The following GABRG3 variants were observed in gnomAD, a reference collection of about 807,000 sequenced individuals.
GABRG3 encodes gamma-aminobutyric acid receptor subunit gamma-3.
In GABRG3, 25 loss-of-function variants were observed where a neutral mutation model predicts 48.8. The observed-to-expected ratio is 0.51, with a 90% CI of 0.37 to 0.72. The LOEUF (loss-of-function observed/expected upper bound fraction) is 0.72, where lower values mean the gene tolerates loss of function less well. GABRG3 is among the 30% of genes least tolerant of loss of function. The pLI is 0.00. For missense variants in GABRG3, 394 were observed against 577.9 expected (o/e 0.68, Z 3.26); for synonymous variants, 227 against 217.6 (o/e 1.04, Z -0.38).
chr15:27,091,634 C>T (rs1018375138), intron 3 of GABRG3, among the ~76,000 whole-genome samples: 3 of 152,174 alleles, frequency 2.0e-5, no homozygotes, highest in African/African-American at 7.2e-5. Context: ...GATTCAACCT[C>T]GCTGTTTGCT....
chr15:27,136,980 A>G (rs757103608), intron 3 of GABRG3, among the ~76,000 whole-genome samples: 6 of 152,130 alleles, frequency 3.9e-5, no homozygotes, highest in African/African-American at 1.2e-4. Flanking sequence ...GACGCCCACC[A>G]GGATGGATGA....
chr15:27,405,930 A>G (rs1342757126), intron 5 of GABRG3, among the ~76,000 whole-genome samples: 1 of 152,168 alleles, frequency 6.6e-6, no homozygotes, highest in Admixed American at 6.5e-5. Flanking sequence ...AGAAAATGTT[A>G]AAAGACACAA....
intron 6 of GABRG3, among the ~76,000 whole-genome samples, chr15:27,494,499 A>G (rs777534300): frequency 6.6e-6 from 1 of 152,264 alleles, no homozygotes; most frequent in African/African-American, 2.4e-5. Context: ...GAATTCTAAA[A>G]TTATGAATTC....
At chr15:27,238,625 G>A (rs1890046302) in intron 3 of GABRG3, among the ~76,000 whole-genome samples, 1 of 152,226 alleles carries the variant, frequency 6.6e-6, no homozygotes, top group African/African-American at 2.4e-5. Flanking sequence ...GTATAGACAT[G>A]TCTTAGGTCT....
At chr15:27,500,661 T>C (rs1054686529) in intron 6 of GABRG3, among the ~76,000 whole-genome samples, 4 of 152,184 alleles carry the variant, frequency 2.6e-5, no homozygotes, top group African/African-American at 7.2e-5. Context: ...GTCCTAAAAA[T>C]GTATCCAGCC....
intron 3 of GABRG3, among the ~76,000 whole-genome samples, chr15:27,320,585 G>T (rs1893388593): frequency 6.6e-6 from 1 of 152,114 alleles, no homozygotes; most frequent in African/African-American, 2.4e-5. Flanking sequence ...ATGTAATTCT[G>T]CTTCCCCGTG....
intron 3 of GABRG3, among the ~76,000 whole-genome samples, chr15:27,146,760 AG>A (rs1277487913): frequency 2.0e-5 from 3 of 152,118 alleles, no homozygotes; most frequent in African/African-American, 7.2e-5. Context: ...TGTAATTCCT[AG>A]GGTAGCAACT....
chr15:27,166,536 C>A lies in GABRG3; in HGVS notation c.270+139715C>A, dbSNP rs371908629. ...TCTTGCAGGGAGGCCACTGCCTGCG[C>A]CCCTGGCTTGGCCCATGCATGAAGG... On this transcript the variant is annotated intron_variant, in intron 3 of 9. Transcript: ENST00000615808. Among the ~76,000 whole-genome samples, 14 of 152,166 alleles carry A rather than the reference C, an allele frequency of 9.2e-5. No individual in the cohort carries two copies. The East Asian group carries it at 1.4e-3, about 15-fold the overall frequency.
chr15:27,423,664 G>T (rs1287885519), intron 5 of GABRG3, among the ~76,000 whole-genome samples: 1 of 145,914 alleles, frequency 6.9e-6, no homozygotes, highest in African/African-American at 2.5e-5. Context: ...TCCCACTTCA[G>T]CCTCCTGAGT....
intron 3 of GABRG3, among the ~76,000 whole-genome samples, chr15:27,306,979 A>ATAAACATGTTTATATATAAAC (rs777908834): frequency 7.3e-5 from 5 of 68,646 alleles, no homozygotes; most frequent in Non-Finnish European, 1.5e-4. Context: ...AAACATATAT[A>ATAAACATGTTTATATATAAAC]ATATAAACAT....
chr15:27,191,926 G>A (rs1395980947), intron 3 of GABRG3, among the ~76,000 whole-genome samples: 1 of 151,764 alleles, frequency 6.6e-6, no homozygotes, highest in East Asian at 1.9e-4. Flanking sequence ...GCCTGGTGGT[G>A]ACAAAATCTC....
At chr15:27,081,250 C>A (rs943045020) in intron 3 of GABRG3, among the ~76,000 whole-genome samples, 1 of 152,148 alleles carries the variant, frequency 6.6e-6, no homozygotes, top group African/African-American at 2.4e-5. Flanking sequence ...CCAGAGGCTA[C>A]AAGGATGCTA....
chr15:27,424,166 C>G lies in GABRG3; in HGVS notation c.575-56484C>G, dbSNP rs116659341. ...ACCTGGGGTCCCTGGGCCACTTCAG[C>G]TAGTTTATGCTAACAGTGTGATCTA... is the stretch of plus-strand genomic sequence containing the variant. On this transcript the variant is annotated intron_variant, in intron 5 of 9. Transcript: ENST00000615808. 9.7e-3 allele frequency among the ~76,000 whole-genome samples: 1,473 copies of G among 152,142 alleles called. 21 individuals carry two copies. Among genetic ancestry groups the G allele is most frequent in the African/African-American group, 0.034 (1,393 of 41,456 alleles).
intron 5 of GABRG3, among the ~76,000 whole-genome samples, chr15:27,472,116 G>A (rs995552250): frequency 5.9e-5 from 9 of 151,894 alleles, no homozygotes; most frequent in Admixed American, 3.3e-4. Context: ...TTTAATCTAT[G>A]TTTGGCTCAG....
chr15:27,301,957 A>G (rs955973892), intron 3 of GABRG3, among the ~76,000 whole-genome samples: 5 of 152,096 alleles, frequency 3.3e-5, no homozygotes, highest in Admixed American at 6.6e-5. Flanking sequence ...CTAGACTTCT[A>G]CATTCAGTAA....
At chr15:27,218,399 G>C (rs1443102389) in intron 3 of GABRG3, among the ~76,000 whole-genome samples, 1 of 152,162 alleles carries the variant, frequency 6.6e-6, no homozygotes, top group Non-Finnish European at 1.5e-5. Flanking sequence ...CAGAAAAGGG[G>C]AATTCTGAGA....
chr15:27,376,359 G>A (rs1895594684), intron 5 of GABRG3, among the ~76,000 whole-genome samples: 2 of 152,208 alleles, frequency 1.3e-5, no homozygotes, highest in South Asian at 2.1e-4. Context: ...GGGTTTGGAG[G>A]ACCATGGCCC....
At position 27,076,372 on chromosome 15, in the gene GABRG3, G is replaced by A. The variant is rs145945298; in HGVS notation, c.270+49551G>A. On this transcript the variant is annotated intron_variant, in intron 3 of 9. Coordinates refer to ENST00000615808, the MANE Select transcript of GABRG3 (RefSeq NM_033223.5). ...GGAGTCTCACTCTGTTGCCCAGGCT[G>A]GAGTGCAATGGCATGATCTCGGCTC... Among the ~76,000 whole-genome samples, 180 of 144,198 alleles carry A rather than the reference G, an allele frequency of 1.2e-3. 3 individuals are homozygous for A. The highest frequency in any genetic ancestry group is 7.3e-3 in the Middle Eastern group (2 of 274). 94.6% of individuals were successfully genotyped at this position (144,198 alleles called of 152,430 possible). A position where few individuals can be genotyped will look rare whatever the true frequency, so the allele number is the denominator to read the frequency against.
At chr15:27,448,819 A>C (rs1055704091) in intron 5 of GABRG3, among the ~76,000 whole-genome samples, 1 of 147,394 alleles carries the variant, frequency 6.8e-6, no homozygotes, top group South Asian at 2.1e-4. Flanking sequence ...ACACAAAATA[A>C]GTTACGAAGT....
Sources: gnomAD v4.1 joint callset for allele counts (sites outside exome capture counted in the v4.1 genomes callset) on GRCh38, gnomAD v4.1.1 for gene constraint, MANE v1.5 for transcripts, NCBI Gene and HGNC (gene_info 2026-07-23, HGNC 2026-07-21) for gene names.